The following RIMS1 variants were observed in gnomAD, a reference collection of about 807,000 sequenced individuals.
RIMS1 encodes the protein regulating synaptic membrane exocytosis protein 1.
In RIMS1, 83 loss-of-function variants were observed where a neutral mutation model predicts 214.1. That is an observed-to-expected ratio of 0.39 (90% CI 0.32 to 0.47). The LOEUF (loss-of-function observed/expected upper bound fraction) is 0.47. RIMS1 is among the 20% of genes least tolerant of loss of function. The pLI, the probability that RIMS1 is intolerant of heterozygous loss-of-function variation, is 0.99. For synonymous variants in RIMS1, 793 were observed against 786.8 expected (o/e 1.01, Z -0.13); for missense variants, 2,050 against 2,161.8 (o/e 0.95, Z 1.03).
At chr6:72,287,854 A>G (rs1027376904) in intron 24 of RIMS1, among the ~76,000 whole-genome samples, 4 of 152,170 alleles carry the variant, frequency 2.6e-5, no homozygotes, top group Non-Finnish European at 5.9e-5. Context: ...AGCCTCCCAT[A>G]GTGGCATGAG....
intron 28 of RIMS1, among the ~76,000 whole-genome samples, chr6:72,315,683 GC>G (rs1433274386): frequency 6.6e-6 from 1 of 151,876 alleles, no homozygotes; most frequent in Non-Finnish European, 1.5e-5. Context: ...AGACACACAT[GC>G]AGCAGTACAC....
intron 4 of RIMS1, among the ~76,000 whole-genome samples, chr6:72,147,880 T>C (rs2042957275): frequency 6.6e-6 from 1 of 152,140 alleles, no homozygotes; most frequent in African/African-American, 2.4e-5. Flanking sequence ...TGCAACTATT[T>C]TGCACAGAGA....
intron 3 of RIMS1, 144 bp from the exon 4 acceptor site, chr6:72,099,831 A>G: frequency 3.1e-6 from 2 of 655,550 alleles, no homozygotes; most frequent in Non-Finnish European, 5.3e-6. Context: ...GTAAACATTT[A>G]CTTTTCAAAA....
chr6:72,138,705 C>T (rs1281377916), intron 4 of RIMS1, among the ~76,000 whole-genome samples: 1 of 151,984 alleles, frequency 6.6e-6, no homozygotes. Context: ...AGGCACATTA[C>T]AAAAAATGAA....
intron 23 of RIMS1, among the ~76,000 whole-genome samples, chr6:72,280,785 G>A (rs1376329610): frequency 6.6e-6 from 1 of 152,032 alleles, no homozygotes; most frequent in Non-Finnish European, 1.5e-5. Context: ...TTATAGATGA[G>A]TAAGAAAACC....
At chr6:72,098,452 G>T (rs1228314254) in intron 3 of RIMS1, among the ~76,000 whole-genome samples, 1 of 151,974 alleles carries the variant, frequency 6.6e-6, no homozygotes, top group Non-Finnish European at 1.5e-5. Flanking sequence ...CTGCCACCAT[G>T]CCTAGCTAAT....
intron 29 of RIMS1, among the ~76,000 whole-genome samples, chr6:72,363,115 G>A (rs1336733065): frequency 6.6e-6 from 1 of 152,174 alleles, no homozygotes; most frequent in African/African-American, 2.4e-5. Context: ...AATGAAGTCT[G>A]CTACTTCAGG....
intron 10 of RIMS1, among the ~76,000 whole-genome samples, chr6:72,244,813 G>A (rs2068662012): frequency 6.6e-6 from 1 of 151,824 alleles, no homozygotes; most frequent in Non-Finnish European, 1.5e-5. Context: ...AGAACAAACA[G>A]GGAAAACTCT....
At chr6:72,247,535 CAA>C (rs10717559) in intron 11 of RIMS1, among the ~76,000 whole-genome samples, 1,652 of 104,016 alleles carry the variant, frequency 0.016, 12 homozygotes, top group South Asian at 0.023. Flanking sequence ...AACTCTGTCT[CAA>C]AAAAAAAAAA....
intron 1 of RIMS1, among the ~76,000 whole-genome samples, chr6:71,905,744 C>A (rs1233145726): frequency 6.6e-6 from 1 of 152,056 alleles, no homozygotes; most frequent in Admixed American, 6.6e-5. Flanking sequence ...TGCAGTTATC[C>A]CAGAGTGTTG....
At chr6:72,137,133 A>T (rs1587869310) in intron 4 of RIMS1, among the ~76,000 whole-genome samples, 1 of 152,090 alleles carries the variant, frequency 6.6e-6, no homozygotes, top group Non-Finnish European at 1.5e-5. Context: ...GCTAAATATA[A>T]ATTTGAAAAA....
intron 4 of RIMS1, among the ~76,000 whole-genome samples, chr6:72,103,120 A>C (rs1346106133): frequency 1.3e-5 from 2 of 152,240 alleles, no homozygotes; most frequent in Non-Finnish European, 2.9e-5. Context: ...CAATAAGAAA[A>C]GTTTAGAATG....
intron 26 of RIMS1, among the ~76,000 whole-genome samples, chr6:72,295,513 A>G (rs1183687017): frequency 1.3e-5 from 2 of 151,934 alleles, no homozygotes; most frequent in East Asian, 3.9e-4. Flanking sequence ...ATGAACTTTC[A>G]TTTTTGAAAT....
chr6:71,894,257 C>T (rs1287907219), intron 1 of RIMS1, among the ~76,000 whole-genome samples: 7 of 152,114 alleles, frequency 4.6e-5, no homozygotes, highest in Non-Finnish European at 8.8e-5. Flanking sequence ...CCAGCCTGGC[C>T]AACATGGTAA....
intron 1 of RIMS1, among the ~76,000 whole-genome samples, chr6:71,908,783 T>C (rs1776042400): frequency 6.6e-6 from 1 of 152,192 alleles, no homozygotes; most frequent in African/African-American, 2.4e-5. Context: ...ATCTTGTAAT[T>C]AACATTTTTA....
At chr6:72,124,601 C>A (rs1447948556) in intron 4 of RIMS1, among the ~76,000 whole-genome samples, 1 of 149,648 alleles carries the variant, frequency 6.7e-6, no homozygotes, top group East Asian at 1.9e-4. Flanking sequence ...CTCCCCATCA[C>A]TTTCAGGTAC....
At chr6:72,088,010 A>AT (rs1835114745) in intron 2 of RIMS1, among the ~76,000 whole-genome samples, 2 of 151,988 alleles carry the variant, frequency 1.3e-5, no homozygotes, top group South Asian at 4.1e-4. Flanking sequence ...GAACAAAATG[A>AT]TTTTTTTCCT....
intron 2 of RIMS1, among the ~76,000 whole-genome samples, chr6:71,973,008 C>T (rs193177409): frequency 1.1e-4 from 16 of 152,184 alleles, no homozygotes; most frequent in Admixed American, 2.0e-4. Flanking sequence ...CTCTGCCTCC[C>T]GGGTTCAAGT....
At chr6:72,330,520 G>A (rs1226611123) in intron 28 of RIMS1, among the ~76,000 whole-genome samples, 3 of 151,634 alleles carry the variant, frequency 2.0e-5, no homozygotes, top group East Asian at 3.9e-4. Flanking sequence ...AGCAGTTTTA[G>A]TGGTGCATAA....
Sources: allele counts gnomAD v4.1 joint callset (sites outside exome capture counted in the v4.1 genomes callset), GRCh38; gene constraint gnomAD v4.1.1; transcripts MANE v1.5; gene names NCBI Gene and HGNC (gene_info 2026-07-23, HGNC 2026-07-21).